Variants in RPH3A observed in about 807,000 individuals in gnomAD.
The protein encoded by RPH3A is rabphilin 3A, also known as rabphilin-3A.
A neutral mutation model predicts 102.2 loss-of-function variants in RPH3A; 48 were observed. That is an observed-to-expected ratio of 0.47 (90% CI 0.37 to 0.60). RPH3A has a LOEUF of 0.60. Ranked by LOEUF, RPH3A falls within the 20% of genes least tolerant of loss-of-function variation. The pLI is 0.00. For synonymous variants in RPH3A, 310 were observed against 324.3 expected (o/e 0.96, Z 0.47); for missense variants, 781 against 910.1 (o/e 0.86, Z 1.83).
At chr12:112,602,332 GC>G (rs1011408623) in intron 1 of RPH3A, among the ~76,000 whole-genome samples, 27 of 152,076 alleles carry the variant, frequency 1.8e-4, no homozygotes, top group African/African-American at 6.5e-4. Flanking sequence ...AAAGCCTGCC[GC>G]CCAGGCTCAA....
intron 1 of RPH3A, among the ~76,000 whole-genome samples, chr12:112,714,052 G>A (rs2040498242): frequency 6.6e-6 from 1 of 152,124 alleles, no homozygotes; most frequent in African/African-American, 2.4e-5. Flanking sequence ...GCCTATAGGT[G>A]GTTGGTACAT....
At chr12:112,614,604 C>T (rs2039663534) in intron 1 of RPH3A, among the ~76,000 whole-genome samples, 1 of 147,214 alleles carries the variant, frequency 6.8e-6, no homozygotes, top group Admixed American at 6.9e-5. Flanking sequence ...GAGAGAATCT[C>T]CTGAGCCCGG....
At chr12:112,727,966 A>G (rs371168006) in intron 1 of RPH3A, among the ~76,000 whole-genome samples, 22 of 152,296 alleles carry the variant, frequency 1.4e-4, no homozygotes, top group African/African-American at 4.8e-4. Flanking sequence ...ATAGTCCAGT[A>G]TATAAAAACC....
chr12:112,866,477 G>A (rs973792333), intron 6 of RPH3A, among the ~76,000 whole-genome samples: 2 of 152,076 alleles, frequency 1.3e-5, no homozygotes, highest in South Asian at 2.1e-4. Flanking sequence ...TTAGAAAAAA[G>A]TATGTCAGTG....
At chr12:112,660,666 C>G (rs2040042817) in intron 1 of RPH3A, among the ~76,000 whole-genome samples, 1 of 152,116 alleles carries the variant, frequency 6.6e-6, no homozygotes, top group South Asian at 2.1e-4. Flanking sequence ...GCCTGGGTGA[C>G]AAAGTGAGAC....
At chr12:112,725,900 A>G (rs1052828288) in intron 1 of RPH3A, among the ~76,000 whole-genome samples, 1 of 151,532 alleles carries the variant, frequency 6.6e-6, no homozygotes, top group Non-Finnish European at 1.5e-5. Context: ...GGTTCACGCC[A>G]TTCTCCTGCC....
At chr12:112,761,394 C>G (rs2040854450) in intron 1 of RPH3A, among the ~76,000 whole-genome samples, 1 of 152,236 alleles carries the variant, frequency 6.6e-6, no homozygotes. Flanking sequence ...AGAATCTACT[C>G]TCCTCTACCA....
upstream of RPH3A, among the ~76,000 whole-genome samples, chr12:112,789,033 C>A (rs2136082282): frequency 6.6e-6 from 1 of 152,264 alleles, no homozygotes; most frequent in East Asian, 1.9e-4. Context: ...GGGCGCATAC[C>A]TGTAGTCCCA....
intron 1 of RPH3A, among the ~76,000 whole-genome samples, chr12:112,621,557 A>T (rs1023592897): frequency 4.1e-5 from 6 of 146,452 alleles, no homozygotes; most frequent in Non-Finnish European, 7.4e-5. Flanking sequence ...GGAGGGTCCT[A>T]CGCCCACGGA....
intron 1 of RPH3A, among the ~76,000 whole-genome samples, chr12:112,775,230 C>CA (rs1202892645): frequency 5.3e-5 from 8 of 151,370 alleles, no homozygotes; most frequent in South Asian, 2.1e-4. Context: ...AACAAAAAAT[C>CA]AAAAAAAAGT....
At chr12:112,783,674 C>T (rs1210744482) in intron 1 of RPH3A, among the ~76,000 whole-genome samples, 1 of 152,118 alleles carries the variant, frequency 6.6e-6, no homozygotes, top group East Asian at 1.9e-4. Flanking sequence ...ACATGTTGTA[C>T]ATATTATTAT....
intron 2 of RPH3A, among the ~76,000 whole-genome samples, chr12:112,802,077 C>T (rs1275482873): frequency 1.3e-5 from 2 of 152,108 alleles, no homozygotes; most frequent in Non-Finnish European, 2.9e-5. Flanking sequence ...ATTTTTTTCT[C>T]TGCGCTGGCC....
Position 112,887,827 on chromosome 12 carries a change from C to A in RPH3A, c.1467C>A (p.Gly489=). ...CCGTCTGTGATGAGGACAAATTTGG[C>A]CACAATGAATTTATTGGTGAGACCA... ...RISVCDEDKF[G]HNEFIGETRF... The change falls in exon 17 of 22, where the codon GGC becomes GGA. Residue 489 remains glycine (G), a synonymous_variant. Transcript: ENST00000389385. 6.2e-7 allele frequency: 1 copy of A among 1,613,714 alleles called. No individual in the cohort carries two copies. The highest frequency in any genetic ancestry group is 8.5e-7 in the Non-Finnish European group (1 of 1,179,732).
At chr12:112,716,587 G>T (rs758778028) in intron 1 of RPH3A, among the ~76,000 whole-genome samples, 3 of 152,186 alleles carry the variant, frequency 2.0e-5, no homozygotes, top group African/African-American at 7.2e-5. Flanking sequence ...CAACACAAAC[G>T]TTCTGTTAAA....
chr12:112,879,038 G>A, intron 13 of RPH3A, 81 bp from the exon 14 acceptor site: 1 of 1,239,424 alleles, frequency 8.1e-7, no homozygotes, highest in Admixed American at 1.8e-5. Context: ...AGCCCAGCCT[G>A]GGCATATAGT....
rs11447068 is a variant in RPH3A at position 112,841,173 on chromosome 12, TAAAA to T, written c.83+4689_83+4692del. Among the ~76,000 whole-genome samples the T allele has an allele frequency of 3.6e-4, 12 of 33,372 alleles. 1 individual carries two copies. Among genetic ancestry groups the T allele is most frequent in the African/African-American group, 8.3e-4 (6 of 7,220 alleles). The allele number at this position is 33,372 out of a possible 152,430, so 21.9% of individuals were successfully genotyped here. ...GGCAACATAACAAGACCTTGTTTCT[TAAAA>T]AAAAAAAAAAAAAAAAAGCCTCGTT... On this transcript the variant is annotated intron_variant, in intron 4 of 21. Transcript: ENST00000389385.
intron 5 of RPH3A, among the ~76,000 whole-genome samples, chr12:112,859,194 A>T (rs772576384): frequency 2.0e-5 from 3 of 152,220 alleles, no homozygotes; most frequent in Non-Finnish European, 2.9e-5. Context: ...AGAAATCTCA[A>T]TGTTTCTGTC....
chr12:112,672,724 G>A (rs1466613884), intron 1 of RPH3A, among the ~76,000 whole-genome samples: 1 of 152,216 alleles, frequency 6.6e-6, no homozygotes, highest in Non-Finnish European at 1.5e-5. Flanking sequence ...GTCCCTGGAA[G>A]TAGCCGTCAG....
intron 2 of RPH3A, among the ~76,000 whole-genome samples, chr12:112,825,731 A>G (rs199720971): frequency 1.6e-4 from 25 of 152,244 alleles, no homozygotes; most frequent in Non-Finnish European, 2.9e-4. Context: ...AAACGGAAAA[A>G]GTTCCGCACG....
Sources: allele counts gnomAD v4.1 joint callset (sites outside exome capture counted in the v4.1 genomes callset), GRCh38; gene constraint gnomAD v4.1.1; transcripts MANE v1.5; gene names NCBI Gene and HGNC (gene_info 2026-07-23, HGNC 2026-07-21).